The following EPB41L3 variants were observed in gnomAD, a reference collection of about 807,000 sequenced individuals.
The protein encoded by EPB41L3 is band 4.1-like protein 3.
In EPB41L3, 57 loss-of-function variants were observed where a neutral mutation model predicts 127.1. The ratio of observed to expected loss-of-function variants is 0.45; its 90% CI spans 0.36 to 0.56. The LOEUF (loss-of-function observed/expected upper bound fraction) is 0.56. Among genes scored for constraint, EPB41L3 ranks in the 20% least tolerant of loss-of-function variants. The pLI, the probability that EPB41L3 is intolerant of heterozygous loss-of-function variation, is 0.00. For synonymous variants in EPB41L3, 572 were observed against 549.5 expected (o/e 1.04, Z -0.57); for missense variants, 1,273 against 1,372.2 (o/e 0.93, Z 1.14).
chr18:5,458,928 T>C (rs1055885743), intron 3 of EPB41L3, among the ~76,000 whole-genome samples: 11 of 152,170 alleles, frequency 7.2e-5, no homozygotes, highest in African/African-American at 2.4e-4. Flanking sequence ...ATTATTGAAG[T>C]CATGCTCTAT....
chr18:5,600,152 C>A (rs895231209), intron 3 of EPB41L3, among the ~76,000 whole-genome samples: 19 of 152,006 alleles, frequency 1.2e-4, no homozygotes, highest in East Asian at 5.8e-4. Context: ...AATTTAAGCA[C>A]CTGTTTACAA....
Position 5,575,875 on chromosome 18 carries a change from C to A in EPB41L3, c.-306+36465G>T, listed in dbSNP as rs73387943. On this transcript the variant is annotated intron_variant, in intron 3 of 21. Transcript: ENST00000545076. The stretch of plus-strand genomic sequence containing the variant: ...CTAATACAGCCTGCAGAACTGTGAG[C>A]CAAATAAGCCTCTCTTCTTTATAAA... 4.7e-3 allele frequency among the ~76,000 whole-genome samples: 708 copies of A among 152,198 alleles called. 7 individuals are homozygous for A. The highest frequency in any genetic ancestry group is 0.016 in the African/African-American group (683 of 41,530).
At chr18:5,464,599 T>C (rs1261344648) in intron 3 of EPB41L3, among the ~76,000 whole-genome samples, 2 of 152,172 alleles carry the variant, frequency 1.3e-5, no homozygotes, top group African/African-American at 4.8e-5. Context: ...GCTGCTACTA[T>C]TGAGTCCCTA....
intron 1 of EPB41L3, among the ~76,000 whole-genome samples, chr18:5,622,262 AT>A (rs2144247556): frequency 6.6e-6 from 1 of 152,364 alleles, no homozygotes; most frequent in African/African-American, 2.4e-5. Flanking sequence ...TATGCATTAT[AT>A]GACAAAAAGA....
chr18:5,489,075 G>C lies in EPB41L3; in HGVS notation c.109C>G (p.Pro37Ala), dbSNP rs750462293. 4 of 1,594,496 alleles carry C rather than the reference G, an allele frequency of 2.5e-6. No homozygotes were observed. In the Admixed American group the frequency reaches 6.8e-5, roughly 27 times the overall value. The change falls in exon 2 of 23, where the codon CCC becomes GCC. Residue 37 changes from proline to alanine, a missense_variant. By Grantham distance (27) the Pro-to-Ala change is conservative (BLOSUM62 -1). Transcript: ENST00000341928. The part of the protein sequence containing the change: ...GRAGAPVPEP[P>A]KEEQQQALEQ... ...AGGGCCTGCTGCTGCTCCTCCTTGG[G>C]CGGCTCCGGCACGGGCGCCCCCGCG...
intron 1 of EPB41L3, among the ~76,000 whole-genome samples, chr18:5,524,539 A>G (rs1240864755): frequency 6.6e-6 from 1 of 152,088 alleles, no homozygotes; most frequent in Non-Finnish European, 1.5e-5. Flanking sequence ...TTGCTTTCCT[A>G]CTATAATATA....
chr18:5,604,028 C>CACACAA (rs1568634307), intron 3 of EPB41L3, among the ~76,000 whole-genome samples: 2 of 151,790 alleles, frequency 1.3e-5, no homozygotes, highest in East Asian at 3.9e-4. Flanking sequence ...CACGTGCACA[C>CACACAA]ACACACAGAC....
chr18:5,523,110 T>C (rs976425770), intron 1 of EPB41L3, among the ~76,000 whole-genome samples: 8 of 152,172 alleles, frequency 5.3e-5, no homozygotes, highest in African/African-American at 1.9e-4. Flanking sequence ...AAATCTCCCA[T>C]TAGAACAGAC....
chr18:5,554,880 C>T (rs73937163), intron 3 of EPB41L3, among the ~76,000 whole-genome samples: 9,165 of 152,264 alleles, frequency 0.06, 827 homozygotes, highest in African/African-American at 0.2. Flanking sequence ...AACATTATTT[C>T]TCATATCAAT....
At position 5,415,954 on chromosome 18, in the gene EPB41L3, A is replaced by G; in HGVS notation, c.1931T>C (p.Leu644Pro). Residue 644 changes from leucine to proline, a missense_variant, in exon 13 of 23, where the codon CTG becomes CCG. Leu to Pro is a moderately conservative substitution (Grantham distance 98). Transcript: ENST00000341928. ...GTATGGCACTGAGAAGGAGGCAGAC[A>G]GCAGAAAGAAAAAGATGAAGAGGAA... is the stretch of plus-strand genomic sequence containing the variant. ...PCFLFIFFFLLSASFSVPYAL... is the reference protein window; with the variant it reads ...PCFLFIFFFLPSASFSVPYAL... The G allele has an allele frequency of 1.2e-6, 2 of 1,614,170 alleles. No individual in the cohort carries two copies. Among genetic ancestry groups the G allele is most frequent in the Non-Finnish European group, 1.7e-6 (2 of 1,180,034 alleles).
At position 5,537,843 on chromosome 18, in the gene EPB41L3, T is replaced by C. The variant is rs544563880; in HGVS notation, c.-12+6070A>G. Among the ~76,000 whole-genome samples the C allele has an allele frequency of 3.3e-5, 5 of 152,166 alleles. No homozygotes were observed. In the South Asian group the frequency reaches 6.2e-4, roughly 19 times the overall value. On this transcript the variant is annotated intron_variant, in intron 1 of 22. Transcript: ENST00000341928. ...AAAATGGGAAATGAAGAATTTTCAA[T>C]AGATTTTCCCTATAAAAGGATCCTT...
chr18:5,522,095 T>C (rs902986625), intron 1 of EPB41L3, among the ~76,000 whole-genome samples: 1 of 151,834 alleles, frequency 6.6e-6, no homozygotes, highest in African/African-American at 2.4e-5. Flanking sequence ...CAAATCGTTA[T>C]TTATTTATTT....
At chr18:5,398,898 C>T (rs897628432) in intron 16 of EPB41L3, 4 of 399,050 alleles carry the variant, frequency 1.0e-5, no homozygotes, top group Admixed American at 4.4e-5. Flanking sequence ...ACTCTGCCGG[C>T]GAGACTCGGC....
intron 14 of EPB41L3, among the ~76,000 whole-genome samples, chr18:5,409,100 TG>T (rs1162203039): frequency 2.0e-5 from 3 of 152,212 alleles, no homozygotes; most frequent in Non-Finnish European, 2.9e-5. Context: ...CACCTATAGA[TG>T]GGACAGAGTT....
At chr18:5,496,157 C>T (rs2091155115) in intron 1 of EPB41L3, among the ~76,000 whole-genome samples, 1 of 152,148 alleles carries the variant, frequency 6.6e-6, no homozygotes, top group African/African-American at 2.4e-5. Context: ...AAGCTTTTAG[C>T]TTTTAAGTTC....
rs1044299983 is a variant in EPB41L3 at position 5,419,082 on chromosome 18, G to C, written c.1506+629C>G. On this transcript the variant is annotated intron_variant, in intron 12 of 22. Coordinates refer to ENST00000341928, the MANE Select transcript of EPB41L3 (RefSeq NM_012307.5). ...AGAAAAAAACATAGTGTTTAAAAAT[G>C]GTGTTAAAAAAGATATTTAATTTGG... is the stretch of plus-strand genomic sequence containing the variant. 9.2e-5 allele frequency among the ~76,000 whole-genome samples: 14 copies of C among 152,114 alleles called. 1 individual carries two copies. The highest frequency in any genetic ancestry group is 8.5e-4 in the Admixed American group (13 of 15,270).
chr18:5,468,378 C>A (rs1342980914), intron 3 of EPB41L3, among the ~76,000 whole-genome samples: 1 of 152,200 alleles, frequency 6.6e-6, no homozygotes, highest in Non-Finnish European at 1.5e-5. Flanking sequence ...CAGGTGGAGT[C>A]CGCGGCCCCC....
intron 16 of EPB41L3, among the ~76,000 whole-genome samples, chr18:5,404,246 G>A (rs1010222837): frequency 3.9e-5 from 6 of 152,106 alleles, no homozygotes; most frequent in African/African-American, 1.4e-4. Flanking sequence ...TGATAAGCAG[G>A]GTTAATCAGC....
intron 3 of EPB41L3, among the ~76,000 whole-genome samples, chr18:5,566,769 ATTC>A (rs1404911915): frequency 6.9e-6 from 1 of 144,840 alleles, no homozygotes; most frequent in African/African-American, 2.6e-5. Flanking sequence ...ATTCTATTCT[ATTC>A]TATTCTATTC....
Sources: allele counts gnomAD v4.1 joint callset (sites outside exome capture counted in the v4.1 genomes callset), GRCh38; gene constraint gnomAD v4.1.1; transcripts MANE v1.5; gene names NCBI Gene and HGNC (gene_info 2026-07-23, HGNC 2026-07-21).